The following NFKB1 variants were observed in gnomAD, a reference collection of about 807,000 sequenced individuals.
NFKB1 encodes nuclear factor NF-kappa-B p105 subunit.
In NFKB1, 9 loss-of-function variants were observed where a neutral mutation model predicts 105.1. The observed-to-expected ratio is 0.09, with a 90% CI of 0.05 to 0.15. The LOEUF (loss-of-function observed/expected upper bound fraction) is 0.15, where lower values mean the gene tolerates loss of function less well. Ranked by LOEUF, NFKB1 falls within the 10% of genes least tolerant of loss-of-function variation. The pLI, the probability that NFKB1 is intolerant of heterozygous loss-of-function variation, is 1.00. For missense variants in NFKB1, 830 were observed against 1,203.7 expected (o/e 0.69, Z 4.59); for synonymous variants, 440 against 442.2 (o/e 1.00, Z 0.06).
At position 102,613,458 on chromosome 4, in the gene NFKB1, G is replaced by T; in HGVS notation, c.2626G>T (p.Ala876Ser). ...GGGTACAGTCAGAGAGCTGGTGGAG[G>T]CCCTGAGACAAATGGGCTACACCGA... ...SGGTVRELVE[A>S]LRQMGYTEAI... The change falls in exon 23 of 24, where the codon GCC becomes TCC. Residue 876 changes from alanine (A) to serine (S), a missense_variant. Around this residue, in one of 8 missense-constraint regions of NFKB1, gnomAD observed 418 missense variants for 575.3 expected, o/e 0.73. Coordinates refer to ENST00000226574, the MANE Select transcript of NFKB1 (RefSeq NM_003998.4). 6.2e-7 allele frequency: 1 copy of T among 1,613,826 alleles called. No individual in the cohort carries two copies. Among genetic ancestry groups the T allele is most frequent in the Non-Finnish European group, 8.5e-7 (1 of 1,179,940 alleles).
At chr4:102,615,030 C>T (rs1216309476) in intron 23 of NFKB1, among the ~76,000 whole-genome samples, 1 of 152,168 alleles carries the variant, frequency 6.6e-6, no homozygotes, top group East Asian at 1.9e-4. Flanking sequence ...TGCCCAAATT[C>T]TTGCACGGCT....
chr4:102,554,558 G>A (rs1206699475), intron 5 of NFKB1, among the ~76,000 whole-genome samples: 2 of 152,058 alleles, frequency 1.3e-5, no homozygotes, highest in Non-Finnish European at 2.9e-5. Context: ...ACAACTTTAG[G>A]GAGTTTAATG....
At position 102,602,235 on chromosome 4, in the gene NFKB1, TAA is replaced by T. The variant is rs1339217349; in HGVS notation, c.1752+1229_1752+1230del. ...TTTTCTTATTTTTATTTCCATTCTTTAAAATGTGCTTTAGGCTGGGTGCGGTG... is the reference window on the plus strand; with the variant it reads ...TTTTCTTATTTTTATTTCCATTCTTTAATGTGCTTTAGGCTGGGTGCGGTG... On this transcript the variant is annotated intron_variant, in intron 16 of 23. Coordinates refer to ENST00000226574, the MANE Select transcript of NFKB1 (RefSeq NM_003998.4). 2.0e-4 allele frequency among the ~76,000 whole-genome samples: 31 copies of T among 152,068 alleles called. 1 individual carries two copies. Among genetic ancestry groups the T allele is most frequent in the Admixed American group, 2.0e-3 (31 of 15,268 alleles).
At chr4:102,555,487 G>A (rs1186414456) in intron 5 of NFKB1, among the ~76,000 whole-genome samples, 1 of 152,128 alleles carries the variant, frequency 6.6e-6, no homozygotes, top group African/African-American at 2.4e-5. Context: ...CAGCACCTGC[G>A]GCTGCCATGT....
At chr4:102,580,401 T>C (rs1725232173) in intron 8 of NFKB1, 134 bp from the exon 9 acceptor site, 1 of 698,248 alleles carries the variant, frequency 1.4e-6, no homozygotes, top group Admixed American at 2.7e-5. Flanking sequence ...TCTTGTTTTA[T>C]TTACTTTGTT....
At chr4:102,557,137 C>T (rs529708374) in intron 5 of NFKB1, 9 of 152,274 alleles carry the variant, frequency 5.9e-5, no homozygotes, top group African/African-American at 1.9e-4. Context: ...AGTGAAGGAA[C>T]TTGCACGCAG....
intron 9 of NFKB1, among the ~76,000 whole-genome samples, chr4:102,581,531 G>A (rs1329508745): frequency 1.3e-5 from 2 of 152,132 alleles, no homozygotes; most frequent in Non-Finnish European, 2.9e-5. Context: ...ACTCATGCCT[G>A]TAATCCCAGC....
At chr4:102,515,894 T>G (rs867645831) in intron 1 of NFKB1, among the ~76,000 whole-genome samples, 2 of 152,250 alleles carry the variant, frequency 1.3e-5, no homozygotes, top group African/African-American at 2.4e-5. Context: ...CCCTTCAGCA[T>G]GAAGAACTTC....
chr4:102,515,300 C>T (rs1408573219), intron 1 of NFKB1, among the ~76,000 whole-genome samples: 12 of 149,976 alleles, frequency 8.0e-5, no homozygotes, highest in Non-Finnish European at 1.2e-4. Flanking sequence ...TTAGTAGAGA[C>T]GGGGTTTCAC....
At chr4:102,612,729 A>G (rs1728543093) in intron 22 of NFKB1, 123 bp downstream of exon 22, 2 of 940,378 alleles carry the variant, frequency 2.1e-6, no homozygotes, top group Non-Finnish European at 3.1e-6. Flanking sequence ...TCATTGCCCA[A>G]GGCCTGGGAG....
At chr4:102,606,861 T>C (rs1727796813) in intron 17 of NFKB1, among the ~76,000 whole-genome samples, 164 bp downstream of exon 17, 1 of 152,178 alleles carries the variant, frequency 6.6e-6, no homozygotes, top group Non-Finnish European at 1.5e-5. Context: ...CCAAAGCTAA[T>C]TTTTTTAAAG....
chr4:102,531,329 TGTTA>T (rs905839141), intron 3 of NFKB1, among the ~76,000 whole-genome samples: 3 of 152,184 alleles, frequency 2.0e-5, no homozygotes, highest in African/African-American at 7.2e-5. Flanking sequence ...AAATCTAATT[TGTTA>T]GTTGTTGTTA....
At chr4:102,570,649 A>G (rs927704045) in intron 6 of NFKB1, among the ~76,000 whole-genome samples, 62 of 152,144 alleles carry the variant, frequency 4.1e-4, no homozygotes, top group Non-Finnish European at 1.0e-4. Flanking sequence ...CTGCTACAAA[A>G]TCAATGTGCA....
chr4:102,569,946 AAAT>A (rs1298257860), intron 6 of NFKB1, among the ~76,000 whole-genome samples: 3 of 152,108 alleles, frequency 2.0e-5, no homozygotes, highest in South Asian at 2.1e-4. Context: ...TCTTGGTAAA[AAAT>A]AATAATAATA....
chr4:102,594,059 T>C (rs1236622153), intron 12 of NFKB1, among the ~76,000 whole-genome samples: 1 of 152,214 alleles, frequency 6.6e-6, no homozygotes, highest in East Asian at 1.9e-4. Context: ...AATACAGCTG[T>C]GATCATCATT....
chr4:102,610,540 G>C (rs1194916471), intron 19 of NFKB1, 35 bp from the exon 20 acceptor site: 1 of 1,608,928 alleles, frequency 6.2e-7, no homozygotes, highest in Non-Finnish European at 8.5e-7. Flanking sequence ...GACAAGATCT[G>C]GGTTTACCTA....
rs371719137 is a variant in NFKB1 at position 102,593,473 on chromosome 4, C to T, written c.1115C>T (p.Ser372Leu). ...CGTCAGAAGCTCATGCCCAATTTTT[C>T]GGATAGTTTCGGCGGTGGTAGTGGT... ...RKRQKLMPNF[S>L]DSFGGGSGAG... is the part of the protein sequence containing the mutation. Residue 372 changes from serine to leucine, a missense_variant, in exon 12 of 24, where the codon TCG becomes TTG. This residue lies in a region of NFKB1 where 42 missense variants were observed against 145.7 expected (regional missense o/e 0.29). Transcript: ENST00000226574. 8 of 1,613,444 alleles carry T rather than the reference C, an allele frequency of 5.0e-6. No individual in the cohort carries two copies. The highest frequency in any genetic ancestry group is 2.2e-5 in the South Asian group (2 of 91,040).
intron 1 of NFKB1, among the ~76,000 whole-genome samples, chr4:102,522,231 C>T (rs1740621428): frequency 1.3e-5 from 2 of 152,202 alleles, no homozygotes; most frequent in African/African-American, 2.4e-5. Flanking sequence ...CTTAGTGATT[C>T]ATCCTTTCCA....
chr4:102,509,255 C>T (rs899457600), intron 1 of NFKB1, among the ~76,000 whole-genome samples: 1 of 152,182 alleles, frequency 6.6e-6, no homozygotes, highest in African/African-American at 2.4e-5. Flanking sequence ...CCATTTAAGA[C>T]ATTTAACCAA....
Sources: gnomAD v4.1 joint callset for allele counts (sites outside exome capture counted in the v4.1 genomes callset) on GRCh38, gnomAD v4.1.1 for gene constraint, gnomAD v4.1.1 regional missense constraint, MANE v1.5 for transcripts, NCBI Gene and HGNC (gene_info 2026-07-23, HGNC 2026-07-21) for gene names.